Variants in CCDC30 observed in about 807,000 individuals in gnomAD.
CCDC30 encodes the protein coiled-coil domain containing 30, also known as coiled-coil domain-containing protein 30.
In CCDC30, 70 loss-of-function variants were observed where a neutral mutation model predicts 100.2. The observed-to-expected ratio is 0.70, with a 90% CI of 0.58 to 0.85. CCDC30 has a LOEUF of 0.85. CCDC30 is among the 40% of genes least tolerant of loss of function. The pLI is 0.00. For synonymous variants in CCDC30, 233 were observed against 269.5 expected (o/e 0.86, Z 1.33); for missense variants, 652 against 771.2 (o/e 0.85, Z 1.83).
Position 42,488,150 on chromosome 1 carries a change from GT to G in CCDC30, c.170-1997del, listed in dbSNP as rs549197008. On this transcript the variant is annotated intron_variant, in intron 3 of 16. Transcript: ENST00000668663. Reference sequence around the variant, plus strand: ...TTTGAAATCTTCCATAAGTAAAAAAGTTTTTTTTTTTAAATCGATGCTAACC... The same window carrying G: ...TTTGAAATCTTCCATAAGTAAAAAAGTTTTTTTTTTAAATCGATGCTAACC... Among the ~76,000 whole-genome samples, 989 of 147,236 alleles carry G rather than the reference GT, an allele frequency of 6.7e-3. 6 individuals are homozygous for G. Among genetic ancestry groups the G allele is most frequent in the African/African-American group, 0.021 (865 of 40,294 alleles).
intron 3 of CCDC30, among the ~76,000 whole-genome samples, chr1:42,485,871 C>G (rs992371019): frequency 1.3e-5 from 2 of 151,954 alleles, no homozygotes; most frequent in African/African-American, 4.8e-5. Context: ...TATTATTTGT[C>G]GATTAAGAAG....
At chr1:42,545,162 TAAAAAAAAAAAAA>T (rs57060353) in intron 6 of CCDC30, among the ~76,000 whole-genome samples, 4,627 of 64,826 alleles carry the variant, frequency 0.071, 328 homozygotes, top group African/African-American at 0.21. Context: ...AAAATACCTT[TAAAAAAAAAAAAA>T]AAAAAAAAAA....
chr1:42,506,327 G>A (rs902935205), intron 6 of CCDC30, among the ~76,000 whole-genome samples: 2 of 152,168 alleles, frequency 1.3e-5, no homozygotes, highest in East Asian at 3.9e-4. Flanking sequence ...TTAGAAACCT[G>A]CATTTGAGAA....
chr1:42,476,511 A>T (rs1569725471), intron 1 of CCDC30, among the ~76,000 whole-genome samples: 2 of 151,912 alleles, frequency 1.3e-5, no homozygotes, highest in Admixed American at 6.6e-5. Context: ...ACCAACATGG[A>T]GAAACCCTGT....
chr1:42,470,989 G>A (rs772546058), intron 1 of CCDC30, among the ~76,000 whole-genome samples: 1 of 152,160 alleles, frequency 6.6e-6, no homozygotes, highest in Non-Finnish European at 1.5e-5. Context: ...TAAGAAAAAG[G>A]GGGAAGAAGC....
In CCDC30 at chr1:42,589,170, G is replaced by A. The variant is rs1570164188; in HGVS notation, c.1002-151G>A. The A allele has an allele frequency of 6.3e-6, 3 of 478,558 alleles. No homozygotes were observed. The East Asian group carries it at 9.8e-5, about 16-fold the overall frequency. The allele number at this position is 478,558 out of a possible 1,614,324, so 29.6% of individuals were successfully genotyped here. A position where few individuals can be genotyped will look rare whatever the true frequency, so the allele number is the denominator to read the frequency against. ...AAGGAAAGCTTCTATCACAAAAGAG[G>A]TTCCCTGTGTTGGTCCCTTTAGCTT... On this transcript the variant is annotated intron_variant, in intron 9 of 16. Coordinates refer to ENST00000668663, the Ensembl canonical transcript of CCDC30.
intron 15 of CCDC30, among the ~76,000 whole-genome samples, chr1:42,651,109 A>C (rs151263114): frequency 2.0e-5 from 3 of 152,230 alleles, no homozygotes; most frequent in Admixed American, 2.0e-4. Flanking sequence ...CAAGACCTGA[A>C]ATTGTAAAAC....
chr1:42,582,729 G>C (rs1177441438), intron 9 of CCDC30, among the ~76,000 whole-genome samples: 1 of 152,162 alleles, frequency 6.6e-6, no homozygotes, highest in African/African-American at 2.4e-5. Flanking sequence ...GTCCACTTTT[G>C]CTGTGACTGG....
chr1:42,608,544 C>CAA (rs375199578), intron 10 of CCDC30, among the ~76,000 whole-genome samples: 6,311 of 149,868 alleles, frequency 0.042, 420 homozygotes, highest in African/African-American at 0.14. Context: ...AGTAAAAATA[C>CAA]AAAAAAAAAT....
intron 6 of CCDC30, among the ~76,000 whole-genome samples, chr1:42,505,064 A>G (rs953823368): frequency 1.3e-5 from 2 of 152,238 alleles, no homozygotes; most frequent in Non-Finnish European, 2.9e-5. Context: ...AGGTGCTACC[A>G]TGTATAACTC....
intron 10 of CCDC30, among the ~76,000 whole-genome samples, chr1:42,603,292 C>A (rs1175315166): frequency 6.6e-6 from 1 of 152,174 alleles, no homozygotes; most frequent in African/African-American, 2.4e-5. Context: ...CTCCCTTCAA[C>A]TGGGAGCCCT....
intron 11 of CCDC30, among the ~76,000 whole-genome samples, chr1:42,613,225 G>A (rs369182153): frequency 2.7e-5 from 4 of 149,488 alleles, no homozygotes; most frequent in Admixed American, 6.7e-5. Flanking sequence ...TAAATATGGG[G>A]TGGATTATTC....
chr1:42,629,948 AACTCTTAG>A (rs1158561799), intron 11 of CCDC30, among the ~76,000 whole-genome samples: 1 of 146,602 alleles, frequency 6.8e-6, no homozygotes, highest in African/African-American at 2.5e-5. Flanking sequence ...TAAGGCCAAT[AACTCTTAG>A]ATATGTCCCC....
At chr1:42,641,457 C>A (rs958574715) in intron 12 of CCDC30, among the ~76,000 whole-genome samples, 1 of 151,860 alleles carries the variant, frequency 6.6e-6, no homozygotes, top group Admixed American at 6.6e-5. Context: ...GAGGCTGAGG[C>A]ACATGATCAC....
At chr1:42,503,749 C>T (rs973336057) in intron 6 of CCDC30, among the ~76,000 whole-genome samples, 2 of 152,180 alleles carry the variant, frequency 1.3e-5, no homozygotes, top group Non-Finnish European at 2.9e-5. Flanking sequence ...TTGGGGGCTG[C>T]TTTTCATTAA....
intron 6 of CCDC30, among the ~76,000 whole-genome samples, chr1:42,506,519 T>C (rs1644397680): frequency 6.6e-6 from 1 of 152,240 alleles, no homozygotes; most frequent in South Asian, 2.1e-4. Flanking sequence ...ATTAATAGCA[T>C]ATACATAGAC....
intron 9 of CCDC30, among the ~76,000 whole-genome samples, chr1:42,586,238 G>T (rs1476980957): frequency 6.6e-6 from 1 of 152,204 alleles, no homozygotes; most frequent in Non-Finnish European, 1.5e-5. Flanking sequence ...GTTAGGGACA[G>T]TGGTGAGAAA....
chr1:42,602,283 T>TA (rs76097350), intron 10 of CCDC30, among the ~76,000 whole-genome samples: 3 of 150,858 alleles, frequency 2.0e-5, no homozygotes, highest in South Asian at 2.1e-4. Context: ...GGTGTTTGTG[T>TA]AAAAAAAAAA....
In CCDC30 at chr1:42,646,115, A is replaced by C; in HGVS notation, c.1672-20A>C. 1.3e-6 allele frequency: 2 copies of C among 1,552,920 alleles called. No homozygotes were observed. The highest frequency in any genetic ancestry group is 3.5e-4 in the Middle Eastern group (2 of 5,740). Reference sequence around the variant, plus strand: ...GATACCTATTGAAATAAATAACTCCAAAATTGTTTTTAAACTTAGAATCTT... The same window carrying C: ...GATACCTATTGAAATAAATAACTCCCAAATTGTTTTTAAACTTAGAATCTT... On this transcript the variant is annotated intron_variant, in intron 14 of 16. Coordinates refer to ENST00000668663, the Ensembl canonical transcript of CCDC30.
Sources: allele counts gnomAD v4.1 joint callset (sites outside exome capture counted in the v4.1 genomes callset), GRCh38; gene constraint gnomAD v4.1.1; transcripts MANE v1.5; gene names NCBI Gene and HGNC (gene_info 2026-07-23, HGNC 2026-07-21).